PRDM4: variants seen among roughly 807,000 people sequenced by gnomAD.
PRDM4 encodes PR/SET domain 4, also known as PR domain zinc finger protein 4.
A neutral mutation model predicts 62.3 loss-of-function variants in PRDM4; 38 were observed. The ratio of observed to expected loss-of-function variants is 0.61; its 90% CI spans 0.47 to 0.80. The LOEUF is 0.80. PRDM4 is among the 30% of genes least tolerant of loss of function. The pLI, the probability that PRDM4 is intolerant of heterozygous loss-of-function variation, is 0.00. For synonymous variants in PRDM4, 339 were observed against 348.2 expected, an observed-to-expected ratio of 0.97 and a Z score of 0.30; for missense variants, 858 against 997.1, an observed-to-expected ratio of 0.86 and a Z score of 1.88.
chr12:107,740,827 G>T (rs1312402818), intron 10 of PRDM4, 119 bp downstream of exon 10: 2 of 1,060,040 alleles, frequency 1.9e-6, no homozygotes, highest in South Asian at 1.6e-5. Context: ...GTTAAACCAC[G>T]AAGGTTTCTT....
At chr12:107,738,787 CACA>C (rs2136309669) in intron 11 of PRDM4, among the ~76,000 whole-genome samples, 1 of 152,146 alleles carries the variant, frequency 6.6e-6, no homozygotes, top group East Asian at 1.9e-4. Context: ...ATAGTGCTTG[CACA>C]ACAACGTGAA....
chr12:107,760,648 G>C lies in PRDM4; in HGVS notation c.-133C>G, dbSNP rs1891215928. The stretch of plus-strand genomic sequence containing the variant: ...CACCGACGCGGCCACTCGTCCCCGG[G>C]GTCGCCCGGGGCCGCCCAACTTCTC... On this transcript the variant is annotated 5_prime_UTR_variant, in exon 2 of 12. Coordinates refer to ENST00000228437, the MANE Select transcript of PRDM4 (RefSeq NM_012406.4). 1 of 1,184,622 alleles carries C rather than the reference G, an allele frequency of 8.4e-7. No individual in the cohort carries two copies. The highest frequency in any genetic ancestry group is 1.2e-6 in the Non-Finnish European group (1 of 851,540). The allele number at this position is 1,184,622 out of a possible 1,614,324, so 73.4% of individuals were successfully genotyped here. A position where few individuals can be genotyped will look rare whatever the true frequency, so the allele number is the denominator to read the frequency against.
At chr12:107,734,802 A>G (rs975729164) in intron 11 of PRDM4, among the ~76,000 whole-genome samples, 3 of 152,170 alleles carry the variant, frequency 2.0e-5, no homozygotes, top group African/African-American at 7.2e-5. Flanking sequence ...GATGCTCATA[A>G]AATTCATTCA....
At chr12:107,737,438 T>C (rs774480583) in intron 11 of PRDM4, among the ~76,000 whole-genome samples, 3 of 152,192 alleles carry the variant, frequency 2.0e-5, no homozygotes, top group Non-Finnish European at 4.4e-5. Flanking sequence ...CAAAACCTTC[T>C]TTCTATCCCA....
chr12:107,754,137 TAAAAG>T, intron 3 of PRDM4, 28 bp from the exon 4 acceptor site: 9 of 1,506,916 alleles, frequency 6.0e-6, no homozygotes, highest in Non-Finnish European at 7.2e-6. Context: ...TTTTCTCAGT[TAAAAG>T]AAAATAGGTA....
At chr12:107,750,529 GA>G (rs1209702280) in intron 5 of PRDM4, among the ~76,000 whole-genome samples, 4 of 152,148 alleles carry the variant, frequency 2.6e-5, no homozygotes, top group Non-Finnish European at 5.9e-5. Flanking sequence ...GGGCGACAGA[GA>G]AACCCTATCA....
intron 2 of PRDM4, chr12:107,760,069 A>G (rs1891190361): frequency 6.5e-6 from 1 of 154,456 alleles, no homozygotes; most frequent in Non-Finnish European, 1.4e-5. Flanking sequence ...CCTTGAAAAA[A>G]CAGCCAAATG....
At position 107,733,398 on chromosome 12, in the gene PRDM4, C is replaced by T. The variant is rs990430026; in HGVS notation, c.*812G>A. ...GACAATCCAGCAGGCATTATTTGGG[C>T]TCTCTGTATCTCCAGGCCCCCTTTG... On this transcript the variant is annotated 3_prime_UTR_variant, in exon 12 of 12. Transcript: ENST00000228437. 6 of 152,158 alleles carry T rather than the reference C, an allele frequency of 3.9e-5. No individual in the cohort carries two copies. The highest frequency in any genetic ancestry group is 5.9e-5 in the Non-Finnish European group (4 of 68,058). The allele number at this position is 152,158 out of a possible 1,614,324, so 9.4% of individuals were successfully genotyped here.
chr12:107,749,009 C>T (rs1166931685), intron 5 of PRDM4, among the ~76,000 whole-genome samples: 2 of 152,162 alleles, frequency 1.3e-5, no homozygotes, highest in Non-Finnish European at 2.9e-5. Context: ...AAACTAGTCT[C>T]TCCATGGGCT....
intron 9 of PRDM4, 27 bp from the exon 10 acceptor site, chr12:107,741,287 T>C: frequency 6.4e-7 from 1 of 1,566,736 alleles, no homozygotes; most frequent in Non-Finnish European, 8.7e-7. Context: ...ACTCATTATC[T>C]CCCAATACTT....
chr12:107,748,669 A>G (rs889139248), intron 5 of PRDM4, among the ~76,000 whole-genome samples: 4 of 152,248 alleles, frequency 2.6e-5, no homozygotes, highest in Non-Finnish European at 5.9e-5. Flanking sequence ...GTTGCTGAGA[A>G]TACGCGGAAG....
intron 5 of PRDM4, among the ~76,000 whole-genome samples, chr12:107,748,886 A>C (rs1024064201): frequency 6.6e-6 from 1 of 152,208 alleles, no homozygotes; most frequent in African/African-American, 2.4e-5. Flanking sequence ...TTAAGAAAAA[A>C]ATCAATAAGC....
Position 107,746,317 on chromosome 12 carries a change from T to G in PRDM4, c.1234A>C (p.Lys412Gln), listed in dbSNP as rs144725631. Residue 412 changes from lysine to glutamine, a missense_variant, in exon 6 of 12, where the codon AAG (lysine) becomes CAG (glutamine). By Grantham distance (53) the Lys-to-Gln change is moderately conservative. This residue lies in a region of PRDM4 where 499 missense variants were observed against 546.7 expected (regional missense o/e 0.91). Transcript: ENST00000228437. The stretch of plus-strand genomic sequence containing the variant: ...ATTGACTGACGGAGAACAAGCTGCT[T>G]TGGGAGAGAAAGCCTTGCTCTGCTC... The part of the protein sequence containing the change: ...IESRARLSLP[K>Q]QLVLRQSIVG... 741 of 1,613,948 alleles carry G rather than the reference T, an allele frequency of 4.6e-4. 1 individual carries two copies. The highest frequency in any genetic ancestry group is 5.9e-4 in the Non-Finnish European group (694 of 1,179,980).
intron 5 of PRDM4, among the ~76,000 whole-genome samples, chr12:107,748,291 T>G (rs1172288269): frequency 6.6e-6 from 1 of 152,220 alleles, no homozygotes; most frequent in Non-Finnish European, 1.5e-5. Context: ...GCACAGCCAC[T>G]TTGGAAAGCA....
chr12:107,757,279 A>G (rs540374152), intron 2 of PRDM4, among the ~76,000 whole-genome samples: 1 of 152,254 alleles, frequency 6.6e-6, no homozygotes, highest in East Asian at 1.9e-4. Context: ...TGGCAATGAC[A>G]GTTTTTTTTT....
chr12:107,749,010 T>C lies in PRDM4; in HGVS notation c.1126+2405A>G, dbSNP rs376314767. 1.5e-3 allele frequency among the ~76,000 whole-genome samples: 227 copies of C among 152,296 alleles called. 2 individuals carry two copies. Among genetic ancestry groups the C allele is most frequent in the Admixed American group, 6.7e-3 (102 of 15,278 alleles). On this transcript the variant is annotated intron_variant, in intron 5 of 11. Transcript: ENST00000228437. ...ACTTTAAAAGGTTAAAACTAGTCTC[T>C]CCATGGGCTGGATTTTGTGGCACAG...
intron 6 of PRDM4, among the ~76,000 whole-genome samples, chr12:107,745,647 T>G (rs1890677457): frequency 6.6e-6 from 1 of 152,330 alleles, no homozygotes; most frequent in African/African-American, 2.4e-5. Context: ...GCAATTACTA[T>G]AGAAATAAAT....
intron 5 of PRDM4, among the ~76,000 whole-genome samples, chr12:107,746,906 C>T (rs1890726339): frequency 6.6e-6 from 1 of 152,198 alleles, no homozygotes; most frequent in South Asian, 2.1e-4. Flanking sequence ...TCTTACACCA[C>T]TCTTCAGACT....
intron 3 of PRDM4, among the ~76,000 whole-genome samples, chr12:107,755,089 T>C (rs1181538772): frequency 6.6e-6 from 1 of 152,054 alleles, no homozygotes; most frequent in Admixed American, 6.6e-5. Context: ...CCAGGGGCAA[T>C]ATTTTTTTTT....
Sources: allele counts gnomAD v4.1 joint callset (sites outside exome capture counted in the v4.1 genomes callset), GRCh38; gene constraint gnomAD v4.1.1; regional missense constraint gnomAD v4.1.1; transcripts MANE v1.5; gene names NCBI Gene and HGNC (gene_info 2026-07-23, HGNC 2026-07-21).